PLCB1: variants seen among roughly 807,000 people sequenced by gnomAD.
PLCB1 encodes the protein 1-phosphatidylinositol 4,5-bisphosphate phosphodiesterase beta-1.
A neutral mutation model predicts 161.8 loss-of-function variants in PLCB1; 46 were observed. That is an observed-to-expected ratio of 0.28 (90% CI 0.22 to 0.36). The LOEUF is 0.36. Among genes scored for constraint, PLCB1 ranks in the 10% least tolerant of loss-of-function variants. The pLI is 1.00. For missense variants in PLCB1, 1,016 were observed against 1,472.5 expected (o/e 0.69, Z 5.07); for synonymous variants, 517 against 503.7 (o/e 1.03, Z -0.35).
intron 11 of PLCB1, among the ~76,000 whole-genome samples, chr20:8,705,411 G>C (rs1160986244): frequency 1.3e-5 from 2 of 152,184 alleles, no homozygotes; most frequent in Admixed American, 1.3e-4. Context: ...TCTAGAATGT[G>C]CCTTAGCAGA....
At chr20:8,499,700 A>G (rs1983326486) in intron 3 of PLCB1, among the ~76,000 whole-genome samples, 1 of 152,234 alleles carries the variant, frequency 6.6e-6, no homozygotes, top group Non-Finnish European at 1.5e-5. Context: ...ATAAGTGAAT[A>G]GGCTAACTTG....
intron 31 of PLCB1, among the ~76,000 whole-genome samples, chr20:8,841,653 T>A (rs1373147354): frequency 6.6e-6 from 1 of 152,206 alleles, no homozygotes; most frequent in African/African-American, 2.4e-5. Flanking sequence ...ATATCTCCAC[T>A]CTTACACGTG....
In PLCB1 at chr20:8,737,174, A is replaced by G. The variant is rs766384012; in HGVS notation, c.2190A>G (p.Glu730=). 4 of 1,613,718 alleles carry G rather than the reference A, an allele frequency of 2.5e-6. No individual in the cohort carries two copies. The highest frequency in any genetic ancestry group is 2.5e-6 in the Non-Finnish European group (3 of 1,179,792). ...CTGTGAATCCTGTCTGGGAAGAAGA[A>G]CCTATTGTGTTCAAAAAGGTTGGTC... ...GNAVNPVWEE[E]PIVFKKVVLP... is the part of the protein sequence containing the mutation. Residue 730 remains glutamate, a synonymous_variant, in exon 20 of 32, where the codon GAA becomes GAG. Transcript: ENST00000338037.
intron 3 of PLCB1, among the ~76,000 whole-genome samples, chr20:8,398,964 T>C (rs1978422294): frequency 6.6e-6 from 1 of 152,056 alleles, no homozygotes; most frequent in Non-Finnish European, 1.5e-5. Flanking sequence ...TGTAAGTTTT[T>C]GTTTTTATTT....
intron 9 of PLCB1, among the ~76,000 whole-genome samples, chr20:8,666,379 A>G (rs755959775): frequency 5.3e-5 from 8 of 152,222 alleles, no homozygotes; most frequent in Non-Finnish European, 1.0e-4. Flanking sequence ...AAGGGAATCA[A>G]AAGTGAAAGA....
chr20:8,594,609 C>G (rs1037361238), intron 3 of PLCB1, among the ~76,000 whole-genome samples: 12 of 151,690 alleles, frequency 7.9e-5, no homozygotes, highest in African/African-American at 2.9e-4. Context: ...TCTGAGAGCA[C>G]TGTTGATTCT....
In PLCB1 at chr20:8,649,405, C is replaced by T. The variant is rs770826618; in HGVS notation, c.550C>T (p.Arg184Ter). The T allele has an allele frequency of 3.1e-6, 5 of 1,613,438 alleles. No homozygotes were observed. Among genetic ancestry groups the T allele is most frequent in the Non-Finnish European group, 4.2e-6 (5 of 1,179,406 alleles). ...TCGCTTGTTTTCAGCAGATCGGAAG[C>T]GAGTTGAAACTGCTTTAGAGGCTTG... ...IYRLFSADRK[R>*]VETALEACSL... Residue 184 changes from arginine to a stop codon, truncating the protein, a stop_gained, in exon 7 of 32, where the codon CGA becomes TGA. Transcript: ENST00000338037. LOFTEE classifies it high-confidence loss of function.
chr20:8,207,814 C>A (rs527757364), intron 2 of PLCB1, among the ~76,000 whole-genome samples: 2 of 152,254 alleles, frequency 1.3e-5, no homozygotes, highest in South Asian at 4.2e-4. Flanking sequence ...TTTCTGGGCT[C>A]AAGTGATCAT....
intron 3 of PLCB1, among the ~76,000 whole-genome samples, chr20:8,519,438 T>A (rs531149612): frequency 6.6e-6 from 1 of 152,036 alleles, no homozygotes; most frequent in African/African-American, 2.4e-5. Context: ...GATGAGGAAG[T>A]AGGAGGTACA....
chr20:8,811,826 A>G (rs1346943409), intron 31 of PLCB1, among the ~76,000 whole-genome samples: 1 of 152,246 alleles, frequency 6.6e-6, no homozygotes, highest in East Asian at 1.9e-4. Context: ...TTCTGTAATT[A>G]GTATTTACTC....
chr20:8,804,374 C>T (rs1038874580), intron 31 of PLCB1, among the ~76,000 whole-genome samples: 4 of 152,112 alleles, frequency 2.6e-5, no homozygotes, highest in African/African-American at 9.7e-5. Flanking sequence ...CAAATATCCC[C>T]ACAATACCTA....
chr20:8,592,236 A>G (rs577378537), intron 3 of PLCB1, among the ~76,000 whole-genome samples: 2 of 152,168 alleles, frequency 1.3e-5, no homozygotes, highest in Non-Finnish European at 2.9e-5. Context: ...ACTTATTCAC[A>G]CCTAAGTACC....
At chr20:8,573,915 G>A (rs972008074) in intron 3 of PLCB1, among the ~76,000 whole-genome samples, 15 of 152,142 alleles carry the variant, frequency 9.9e-5, no homozygotes, top group African/African-American at 3.4e-4. Flanking sequence ...TTACATTTTT[G>A]CAGCTAGCAG....
intron 3 of PLCB1, among the ~76,000 whole-genome samples, chr20:8,466,019 G>GCA (rs1981805731): frequency 6.9e-6 from 1 of 144,562 alleles, no homozygotes; most frequent in Non-Finnish European, 1.5e-5. Flanking sequence ...AAAGACACAT[G>GCA]CACACGTATG....
At chr20:8,680,190 T>C (rs923188267) in intron 9 of PLCB1, among the ~76,000 whole-genome samples, 1 of 152,196 alleles carries the variant, frequency 6.6e-6, no homozygotes, top group East Asian at 1.9e-4. Context: ...GAAAAAAAAA[T>C]TGTAAATTTT....
At chr20:8,649,990 G>A (rs1439693020) in intron 7 of PLCB1, 1 of 152,310 alleles carries the variant, frequency 6.6e-6, no homozygotes, top group African/African-American at 2.4e-5. Context: ...CCAAGACTTG[G>A]TGAGGCCTCT....
intron 2 of PLCB1, among the ~76,000 whole-genome samples, chr20:8,264,386 A>G (rs1027633460): frequency 6.6e-6 from 1 of 152,146 alleles, no homozygotes; most frequent in South Asian, 2.1e-4. Flanking sequence ...TTTTTTCTTT[A>G]ATTATTAGGA....
At position 8,790,192 on chromosome 20, in the gene PLCB1, T is replaced by G. The variant is rs1483793394; in HGVS notation, c.3354T>G (p.Ser1118Arg). 1.9e-6 allele frequency: 3 copies of G among 1,610,988 alleles called. No individual in the cohort carries two copies. Reference protein sequence around the residue: ...QYIKRLEEAQSKRQEKLVEKH... With the variant: ...QYIKRLEEAQRKRQEKLVEKH... ...TCTTATAGCTAGAAGAAGCGCAAAG[T>G]AAACGGCAAGAAAAACTCGTAGAGA... The change falls in exon 31 of 32, where the codon AGT (serine) becomes AGG (arginine). Residue 1118 changes from serine (S) to arginine (R), a missense_variant. Ser to Arg is a moderately radical substitution (Grantham distance 110). Coordinates refer to ENST00000338037, the MANE Select transcript of PLCB1 (RefSeq NM_015192.4).
At chr20:8,612,371 G>C (rs1240946534) in intron 3 of PLCB1, among the ~76,000 whole-genome samples, 4 of 152,146 alleles carry the variant, frequency 2.6e-5, no homozygotes, top group African/African-American at 7.2e-5. Flanking sequence ...AGATCCACAA[G>C]TCAGCTTTGA....
Sources: allele counts gnomAD v4.1 joint callset (sites outside exome capture counted in the v4.1 genomes callset), GRCh38; gene constraint gnomAD v4.1.1; transcripts MANE v1.5; gene names NCBI Gene and HGNC (gene_info 2026-07-23, HGNC 2026-07-21).